RPS15: variants seen among roughly 807,000 people sequenced by gnomAD.
RPS15 encodes the protein ribosomal protein S15.
A neutral mutation model predicts 14.9 loss-of-function variants in RPS15; 5 were observed. The observed-to-expected ratio is 0.34, with a 90% CI of 0.18 to 0.70. The LOEUF is 0.70. Ranked by LOEUF, RPS15 falls within the 30% of genes least tolerant of loss-of-function variation. The pLI, the probability that RPS15 is intolerant of heterozygous loss-of-function variation, is 0.65. For synonymous variants in RPS15, 103 were observed against 85.0 expected, an observed-to-expected ratio of 1.21 and a Z score of -1.16; for missense variants, 102 against 204.2, an observed-to-expected ratio of 0.50 and a Z score of 3.05.
In RPS15 at chr19:1,438,487, A is replaced by C; in HGVS notation, c.3+59A>C. The C allele has an allele frequency of 6.2e-7, 1 of 1,612,442 alleles. No homozygotes were observed. Among genetic ancestry groups the C allele is most frequent in the Non-Finnish European group, 8.5e-7 (1 of 1,179,660 alleles). ...CCTATCCGGCTCCATCCAACCTCTG[A>C]CCGTCTCGCGGGGGCCGCAGTTCGT... On this transcript the variant is annotated intron_variant, in intron 1 of 3. Coordinates refer to ENST00000592588, the MANE Select transcript of RPS15 (RefSeq NM_001018.5). The surrounding 1 kb of genome is among the most constrained non-coding windows in gnomAD (Gnocchi z 4.8).
In RPS15 at chr19:1,438,914, G is replaced by C; in HGVS notation, c.89+22G>C. 2 of 1,551,844 alleles carry C rather than the reference G, an allele frequency of 1.3e-6. No homozygotes were observed. The highest frequency in any genetic ancestry group is 1.7e-6 in the Non-Finnish European group (2 of 1,147,464). ...CCTAGTAAGGGCGGCCGCGGGGGTC[G>C]CGGGCAGGGGCTGGGCCAGCGGTGG... On this transcript the variant is annotated intron_variant, in intron 2 of 3. Coordinates refer to ENST00000592588, the MANE Select transcript of RPS15 (RefSeq NM_001018.5). This position sits in a 1 kb window ranked among gnomAD's most constrained non-coding sequence, Gnocchi z 4.8.
rs2083626519 is a variant in RPS15 at position 1,438,542 on chromosome 19, C to G, written c.3+114C>G. On this transcript the variant is annotated intron_variant, in intron 1 of 3. Coordinates refer to ENST00000592588, the MANE Select transcript of RPS15 (RefSeq NM_001018.5). The surrounding 1 kb of genome is among the most constrained non-coding windows in gnomAD (Gnocchi z 4.8). ...GCGGCTACGGCGGCTTGCTCCCGAC[C>G]CTGCAGGCGGCTGGATGTTGGGGCG... The G allele has an allele frequency of 1.3e-6, 2 of 1,590,220 alleles. No individual in the cohort carries two copies. Among genetic ancestry groups the G allele is most frequent in the South Asian group, 1.1e-5 (1 of 88,608 alleles).
At position 1,440,365 on chromosome 19, in the gene RPS15, A is replaced by G. The variant is rs1183122959; in HGVS notation, c.341A>G (p.His114Arg). The G allele has an allele frequency of 6.2e-7, 1 of 1,614,020 alleles. No individual in the cohort carries two copies. Among genetic ancestry groups the G allele is most frequent in the Non-Finnish European group, 8.5e-7 (1 of 1,179,938 alleles). Residue 114 changes from histidine to arginine, a missense_variant, in exon 4 of 4, where the codon CAC (histidine) becomes CGC (arginine). Physicochemically the swap from His to Arg is conservative, Grantham distance 29 (BLOSUM62 0). Around this residue, in one of 2 missense-constraint regions of RPS15, gnomAD observed 32 missense variants for 107.4 expected, o/e 0.30. Transcript: ENST00000592588. ...QVEIKPEMIG[H>R]YLGEFSITYK... ...CTCCCGCAGCCCGAGATGATCGGCC[A>G]CTACCTGGGCGAGTTCTCCATCACC...
Position 1,438,951 on chromosome 19 carries a change from G to C in RPS15, c.89+59G>C. On this transcript the variant is annotated intron_variant, in intron 2 of 3. Transcript: ENST00000592588. The surrounding 1 kb of genome is among the most constrained non-coding windows in gnomAD (Gnocchi z 4.8). ...TGGGCCAGCGGTGGGGCTTGTCCGG[G>C]TGAGGGCGGCGGGGCGGGGGTCCAA... 1 of 1,448,182 alleles carries C rather than the reference G, an allele frequency of 6.9e-7. No homozygotes were observed. Among genetic ancestry groups the C allele is most frequent in the African/African-American group, 1.4e-5 (1 of 70,448 alleles). 89.7% of individuals were successfully genotyped at this position (1,448,182 alleles called of 1,614,324 possible).
chr19:1,439,732 C>G (rs747378856), intron 2 of RPS15: 1 of 600,488 alleles, frequency 1.7e-6, no homozygotes, highest in South Asian at 2.0e-5. Flanking sequence ...TTGGCCCGAG[C>G]TGTACGCTGC....
chr19:1,439,571 T>G, intron 2 of RPS15: 1 of 326,484 alleles, frequency 3.1e-6, no homozygotes. Flanking sequence ...GATTTTTGAT[T>G]ATTTGTGGAA....
chr19:1,438,420 G>T lies in RPS15; in HGVS notation c.-6G>T. On this transcript the variant is annotated 5_prime_UTR_variant, in exon 1 of 4. Coordinates refer to ENST00000592588, the MANE Select transcript of RPS15 (RefSeq NM_001018.5). The surrounding 1 kb of genome is among the most constrained non-coding windows in gnomAD (Gnocchi z 4.8). ...CCAAAGCGATCTCTTCTGAGGATCC[G>T]GCAAGATGGTGAGTGTTGCGATTTG... 1 of 1,613,468 alleles carries T rather than the reference G, an allele frequency of 6.2e-7. No individual in the cohort carries two copies.
intron 2 of RPS15, chr19:1,439,350 A>C: frequency 5.8e-6 from 1 of 171,780 alleles, no homozygotes. Context: ...GCAGCCTCCC[A>C]CTCCCGGGTT....
At chr19:1,439,632 C>A in intron 2 of RPS15, 1 of 510,792 alleles carries the variant, frequency 2.0e-6, no homozygotes, top group Non-Finnish European at 3.5e-6. Flanking sequence ...TGGGCTCAAG[C>A]GACCCTCCCG....
chr19:1,439,763 G>A (rs995027757), intron 2 of RPS15: 4 of 611,378 alleles, frequency 6.5e-6, no homozygotes, highest in Non-Finnish European at 1.2e-5. Context: ...CTGAGGCTGT[G>A]GTCTCCGGGC....
At chr19:1,439,720 C>T (rs1363623265) in intron 2 of RPS15, 2 of 591,992 alleles carry the variant, frequency 3.4e-6, no homozygotes, top group Non-Finnish European at 6.0e-6. Flanking sequence ...TTTTAGAGGC[C>T]TTTGGCCCGA....
rs1053629374 is a variant in RPS15 at position 1,439,649 on chromosome 19, C to T, written c.90-370C>T. On this transcript the variant is annotated intron_variant, in intron 2 of 3. Transcript: ENST00000592588. ...GGCTCAAGCGACCCTCCCGCCTCAACCTCCCGAAGTGCTGGGATCACAGGC... is the reference window on the plus strand; with the variant it reads ...GGCTCAAGCGACCCTCCCGCCTCAATCTCCCGAAGTGCTGGGATCACAGGC... 3 of 540,774 alleles carry T rather than the reference C, an allele frequency of 5.5e-6. No individual in the cohort carries two copies. In the African/African-American group the frequency reaches 5.7e-5, roughly 10 times the overall value. 33.5% of individuals were successfully genotyped at this position (540,774 alleles called of 1,614,324 possible).
chr19:1,438,992 T>G lies in RPS15; in HGVS notation c.89+100T>G. ...GGGGGTCCAAGCGCCTCTGCGGCGG[T>G]GGGCGGGCACGGTCTCCGCGCGGGT... On this transcript the variant is annotated intron_variant, in intron 2 of 3. Transcript: ENST00000592588. The surrounding 1 kb of genome is among the most constrained non-coding windows in gnomAD (Gnocchi z 4.8). 24 of 701,058 alleles carry G rather than the reference T, an allele frequency of 3.4e-5. No homozygotes were observed. Among genetic ancestry groups the G allele is most frequent in the East Asian group, 1.0e-4 (3 of 29,262 alleles). 43.4% of individuals were successfully genotyped at this position (701,058 alleles called of 1,614,324 possible).
chr19:1,438,542 C>T lies in RPS15; in HGVS notation c.3+114C>T. 1 of 1,590,338 alleles carries T rather than the reference C, an allele frequency of 6.3e-7. No individual in the cohort carries two copies. On this transcript the variant is annotated intron_variant, in intron 1 of 3. Transcript: ENST00000592588. The surrounding 1 kb of genome is among the most constrained non-coding windows in gnomAD (Gnocchi z 4.8). Reference sequence around the variant, plus strand: ...GCGGCTACGGCGGCTTGCTCCCGACCCTGCAGGCGGCTGGATGTTGGGGCG... The same window carrying T: ...GCGGCTACGGCGGCTTGCTCCCGACTCTGCAGGCGGCTGGATGTTGGGGCG...
Position 1,440,219 on chromosome 19 carries a change from A to G in RPS15, c.290A>G (p.Tyr97Cys), listed in dbSNP as rs771534816. 6 of 1,612,974 alleles carry G rather than the reference A, an allele frequency of 3.7e-6. No individual in the cohort carries two copies. In the South Asian group the frequency reaches 4.4e-5, roughly 12 times the overall value. The change falls in exon 3 of 4, where the codon TAC (tyrosine) becomes TGC (cysteine). Residue 97 changes from tyrosine (Y) to cysteine (C), a missense_variant. Physicochemically the swap from Tyr to Cys is radical, Grantham distance 194. Transcript: ENST00000592588. ...ATGGTGGGCAGCATGGTGGGCGTCT[A>G]CAACGGCAAGACCTTCAACCAGGTG... ...PEMVGSMVGV[Y>C]NGKTFNQVEI...
intron 2 of RPS15, 77 bp from the exon 3 acceptor site, chr19:1,439,942 A>T: frequency 8.5e-7 from 1 of 1,181,680 alleles, no homozygotes; most frequent in Non-Finnish European, 1.2e-6. Flanking sequence ...ACCAAGCCTT[A>T]GTTCTCTGTC....
In RPS15 at chr19:1,438,701, C is replaced by T; in HGVS notation, c.4-106C>T. 4 of 1,532,240 alleles carry T rather than the reference C, an allele frequency of 2.6e-6. No individual in the cohort carries two copies. Among genetic ancestry groups the T allele is most frequent in the Non-Finnish European group, 3.5e-6 (4 of 1,132,594 alleles). 94.9% of individuals were successfully genotyped at this position (1,532,240 alleles called of 1,614,324 possible). Reference sequence around the variant, plus strand: ...GTCGAAGCGGTGTGTCCCTGTCGGGCTTCTGTCCCCGGCGGCGCCGCGCGT... The same window carrying T: ...GTCGAAGCGGTGTGTCCCTGTCGGGTTTCTGTCCCCGGCGGCGCCGCGCGT... On this transcript the variant is annotated intron_variant, in intron 1 of 3. Coordinates refer to ENST00000592588, the MANE Select transcript of RPS15 (RefSeq NM_001018.5). The surrounding 1 kb of genome is among the most constrained non-coding windows in gnomAD (Gnocchi z 4.8).
intron 2 of RPS15, chr19:1,439,095 CGTT>C (rs2083632654): frequency 3.6e-6 from 2 of 551,896 alleles, no homozygotes; most frequent in South Asian, 2.2e-5. Context: ...ACCTGCCCCC[CGTT>C]GTTCACTTTT....
chr19:1,439,302 GC>G (rs1023269156), intron 2 of RPS15: 79 of 188,730 alleles, frequency 4.2e-4, no homozygotes, highest in African/African-American at 1.8e-3. Context: ...TCATCCTGTC[GC>G]CCAGGCTGGA....
Sources: allele counts gnomAD v4.1 joint callset, GRCh38; gene constraint gnomAD v4.1.1; regional missense constraint gnomAD v4.1.1; non-coding constraint Gnocchi (gnomAD v3.1); transcripts MANE v1.5; gene names NCBI Gene and HGNC (gene_info 2026-07-23, HGNC 2026-07-21).